ZFHX3: variants seen among roughly 807,000 people sequenced by gnomAD.
ZFHX3 encodes zinc finger homeobox 3.
ZFHX3 carries 42 observed loss-of-function variants against 279.1 expected under a neutral mutation model. That is an observed-to-expected ratio of 0.15 (90% CI 0.12 to 0.19). The LOEUF is 0.19. ZFHX3 is among the 10% of genes least tolerant of loss of function. The pLI, the probability that ZFHX3 is intolerant of heterozygous loss-of-function variation, is 1.00. For missense variants in ZFHX3, 4,981 were observed against 4,754.0 expected (o/e 1.05, Z -1.40); for synonymous variants, 2,293 against 1,957.8 (o/e 1.17, Z -4.52).
intron 4 of ZFHX3, among the ~76,000 whole-genome samples, chr16:73,312,987 C>T (rs188531556): frequency 3.9e-5 from 6 of 152,298 alleles, no homozygotes; most frequent in Admixed American, 1.3e-4. Flanking sequence ...GCTCTGTGTC[C>T]AAACCCAAAC....
intron 5 of ZFHX3, among the ~76,000 whole-genome samples, chr16:73,161,529 T>C (rs1967236135): frequency 6.6e-6 from 1 of 152,200 alleles, no homozygotes; most frequent in African/African-American, 2.4e-5. Context: ...TTGTTTAAGG[T>C]TGGTGCTCAG....
chr16:73,156,226 CCT>C (rs1158105332), intron 5 of ZFHX3, among the ~76,000 whole-genome samples: 2 of 120,158 alleles, frequency 1.7e-5, no homozygotes, highest in African/African-American at 6.6e-5. Context: ...AGTGAGACTC[CCT>C]CTCAAAAAAA....
chr16:73,766,533 A>G (rs372326548), intron 1 of ZFHX3, among the ~76,000 whole-genome samples: 2 of 152,210 alleles, frequency 1.3e-5, no homozygotes, highest in Non-Finnish European at 2.9e-5. Flanking sequence ...AATGCATCCT[A>G]TCCTAGCAAG....
chr16:73,605,701 G>C (rs538354002), intron 2 of ZFHX3, among the ~76,000 whole-genome samples: 1 of 151,480 alleles, frequency 6.6e-6, no homozygotes, highest in Non-Finnish European at 1.5e-5. Flanking sequence ...GAACTGGGGG[G>C]CTGGAGAGAA....
At chr16:73,627,001 C>T (rs767214973) in intron 2 of ZFHX3, among the ~76,000 whole-genome samples, 1 of 152,150 alleles carries the variant, frequency 6.6e-6, no homozygotes, top group African/African-American at 2.4e-5. Flanking sequence ...GTCAAAAACA[C>T]ACCCATCATT....
chr16:73,337,870 A>T (rs945782852), intron 3 of ZFHX3, among the ~76,000 whole-genome samples: 2 of 125,390 alleles, frequency 1.6e-5, no homozygotes, highest in Admixed American at 9.1e-5. Context: ...TCCAATTTCA[A>T]TAAGTCTTCA....
At chr16:73,337,747 G>C (rs2015941669) in intron 3 of ZFHX3, among the ~76,000 whole-genome samples, 1 of 151,624 alleles carries the variant, frequency 6.6e-6, no homozygotes, top group South Asian at 2.1e-4. Flanking sequence ...CACTGTACTG[G>C]TCACACCCTG....
chr16:72,908,965 G>A (rs1037042036), intron 3 of ZFHX3, among the ~76,000 whole-genome samples: 2 of 152,178 alleles, frequency 1.3e-5, no homozygotes, highest in African/African-American at 4.8e-5. Flanking sequence ...CCATAGAAAC[G>A]GCGAAAGCTA....
intron 7 of ZFHX3, among the ~76,000 whole-genome samples, chr16:73,106,052 T>C (rs1289148021): frequency 6.6e-6 from 1 of 151,146 alleles, no homozygotes; most frequent in East Asian, 2.0e-4. Context: ...TCAATGTTTC[T>C]CGGAAGCCCT....
chr16:73,647,109 T>G (rs1413801159), intron 2 of ZFHX3, among the ~76,000 whole-genome samples: 2 of 150,842 alleles, frequency 1.3e-5, no homozygotes, highest in Non-Finnish European at 3.0e-5. Context: ...GACTCCCAGG[T>G]TTACGCCATT....
At chr16:73,430,874 C>T (rs566808287) in intron 3 of ZFHX3, among the ~76,000 whole-genome samples, 4 of 152,190 alleles carry the variant, frequency 2.6e-5, no homozygotes, top group Non-Finnish European at 5.9e-5. Context: ...AGGGATGTTG[C>T]GCTAATTACC....
chr16:73,756,208 C>T (rs1018453215), intron 1 of ZFHX3, among the ~76,000 whole-genome samples: 3 of 152,190 alleles, frequency 2.0e-5, no homozygotes, highest in Admixed American at 2.0e-4. Context: ...TGCACATGGT[C>T]TCACTCTCTC....
chr16:73,833,042 A>G (rs1016436014), intron 1 of ZFHX3, among the ~76,000 whole-genome samples: 3 of 152,212 alleles, frequency 2.0e-5, no homozygotes, highest in Non-Finnish European at 2.9e-5. Context: ...GAAGTTCTCA[A>G]AAATAGTTGT....
rs899365594 is a variant in ZFHX3 at position 73,678,590 on chromosome 16, T to C, written c.-1547+1590A>G. On this transcript the variant is annotated intron_variant, in intron 2 of 17. Coordinates refer to the ZFHX3 transcript ENST00000641206. ...TTAATTCAAGTACACTTATACAACA[T>C]TGAAATTTATTTAAAATATATGTAA... is the stretch of plus-strand genomic sequence containing the variant. 7.2e-5 allele frequency among the ~76,000 whole-genome samples: 11 copies of C among 152,272 alleles called. No homozygotes were observed. In the South Asian group the frequency reaches 1.4e-3, roughly 20 times the overall value.
chr16:73,053,581 A>G (rs1461201400), intron 1 of ZFHX3, among the ~76,000 whole-genome samples: 1 of 152,090 alleles, frequency 6.6e-6, no homozygotes, highest in Admixed American at 6.5e-5. Flanking sequence ...AAGGAAGCTG[A>G]GATGAATCAC....
chr16:73,063,038 G>A (rs1175311455), upstream of ZFHX3, among the ~76,000 whole-genome samples: 2 of 152,244 alleles, frequency 1.3e-5, no homozygotes, highest in Non-Finnish European at 2.9e-5. Context: ...AGCGCTCCGG[G>A]CCAGCCGGCC....
At chr16:73,281,519 T>C (rs748679102) in intron 4 of ZFHX3, among the ~76,000 whole-genome samples, 1 of 152,212 alleles carries the variant, frequency 6.6e-6, no homozygotes, top group East Asian at 1.9e-4. Context: ...CTAGTGCCTA[T>C]AGCTAAGGCT....
At chr16:73,891,774 C>T (rs1278278409) in exon 1 of ZFHX3, 1 of 148,274 alleles carries the variant, frequency 6.7e-6, no homozygotes, top group Admixed American at 6.8e-5. Context: ...CTCTCTCTCT[C>T]TTCCTCCTCC....
chr16:73,421,849 A>T (rs1372067725), intron 3 of ZFHX3, among the ~76,000 whole-genome samples: 5 of 152,162 alleles, frequency 3.3e-5, no homozygotes, highest in Admixed American at 6.5e-5. Context: ...ACTTGAGGCA[A>T]AGCCCTGCCT....
Sources: allele counts gnomAD v4.1 joint callset (sites outside exome capture counted in the v4.1 genomes callset), GRCh38; gene constraint gnomAD v4.1.1; transcripts MANE v1.5; gene names NCBI Gene and HGNC (gene_info 2026-07-23, HGNC 2026-07-21).